The following SUMF1 variants were observed in gnomAD, a reference collection of about 807,000 sequenced individuals.
SUMF1 encodes the protein sulfatase modifying factor 1, also known as formylglycine-generating enzyme.
SUMF1 carries 48 observed loss-of-function variants against 47.6 expected under a neutral mutation model. That is an observed-to-expected ratio of 1.01 (90% CI 0.80 to 1.28). SUMF1 has a LOEUF of 1.28. Among genes scored for constraint, SUMF1 ranks in the 50% most tolerant of loss-of-function variants. The probability of loss-of-function intolerance (pLI) is 0.00; values close to 1 mark genes in which losing one functional copy is unlikely to be tolerated. For synonymous variants in SUMF1, 230 were observed against 192.1 expected (o/e 1.20, Z -1.63); for missense variants, 571 against 485.4 (o/e 1.18, Z -1.66).
chr3:4,460,085 C>T (rs1229322906), intron 1 of SUMF1, among the ~76,000 whole-genome samples: 2 of 152,174 alleles, frequency 1.3e-5, no homozygotes, highest in Non-Finnish European at 2.9e-5. Flanking sequence ...GGAAAGATCT[C>T]ACCATGATGA....
chr3:4,276,268 T>C (rs1697414557), intron 8 of SUMF1, among the ~76,000 whole-genome samples: 1 of 152,186 alleles, frequency 6.6e-6, no homozygotes, highest in African/African-American at 2.4e-5. Context: ...ACTGAGGCTA[T>C]AAGGCAGCAC....
chr3:4,192,896 G>A (rs555745682), intron 8 of SUMF1, among the ~76,000 whole-genome samples: 2 of 152,228 alleles, frequency 1.3e-5, no homozygotes, highest in Admixed American at 6.5e-5. Context: ...AGAGGATGAT[G>A]GGCCCTGCTT....
chr3:4,443,778 GAAAA>G (rs1174607417), intron 3 of SUMF1, among the ~76,000 whole-genome samples: 1 of 150,520 alleles, frequency 6.6e-6, no homozygotes, highest in African/African-American at 2.4e-5. Flanking sequence ...AAAAGAAAAA[GAAAA>G]AAGAGAGAGA....
At chr3:4,432,633 T>C (rs970199855) in intron 3 of SUMF1, among the ~76,000 whole-genome samples, 1 of 152,158 alleles carries the variant, frequency 6.6e-6, no homozygotes, top group Non-Finnish European at 1.5e-5. Context: ...TCACCAATCC[T>C]ATAAATAAAA....
At chr3:4,132,471 C>T (rs1346105345) in intron 8 of SUMF1, among the ~76,000 whole-genome samples, 3 of 152,098 alleles carry the variant, frequency 2.0e-5, no homozygotes, top group African/African-American at 7.2e-5. Context: ...TCTGAATCAC[C>T]ATCCAATATA....
intron 8 of SUMF1, among the ~76,000 whole-genome samples, chr3:4,311,356 C>T (rs73806998): frequency 0.011 from 1,683 of 152,292 alleles, 36 homozygotes; most frequent in African/African-American, 0.039. Context: ...GTGGTGCAAA[C>T]ATTCCTTCAG....
At chr3:4,187,107 T>C (rs1039617525) in intron 8 of SUMF1, among the ~76,000 whole-genome samples, 1 of 152,168 alleles carries the variant, frequency 6.6e-6, no homozygotes, top group Admixed American at 6.5e-5. Context: ...CAATGGCTCA[T>C]GCCTATAATC....
chr3:4,249,358 T>C (rs1346165466), intron 8 of SUMF1, among the ~76,000 whole-genome samples: 1 of 152,216 alleles, frequency 6.6e-6, no homozygotes, highest in Non-Finnish European at 1.5e-5. Flanking sequence ...TGAGTCTAAG[T>C]CTATTGGCCT....
At chr3:4,159,696 T>G (rs1335519792) in intron 8 of SUMF1, among the ~76,000 whole-genome samples, 2 of 152,130 alleles carry the variant, frequency 1.3e-5, no homozygotes, top group Non-Finnish European at 2.9e-5. Context: ...CTTAACCCTT[T>G]TCAGATTAAG....
intron 8 of SUMF1, among the ~76,000 whole-genome samples, chr3:4,270,553 T>C (rs907881581): frequency 6.6e-6 from 1 of 152,120 alleles, no homozygotes; most frequent in Non-Finnish European, 1.5e-5. Flanking sequence ...GATTCTGCCA[T>C]AACAAGGGTA....
At position 4,239,211 on chromosome 3, in the gene SUMF1, T is replaced by C. The variant is rs1696481496; in HGVS notation, c.1014+137119A>G. 2.0e-5 allele frequency among the ~76,000 whole-genome samples: 3 copies of C among 152,336 alleles called. No individual in the cohort carries two copies. In the South Asian group the frequency reaches 6.2e-4, roughly 32 times the overall value. ...TATAGTTTGAAGCCAGGTAGTGTGA[T>C]GCCTCCAGCTTTGTTCTTTTTGCTT... On this transcript the variant is annotated intron_variant and NMD_transcript_variant, in intron 8 of 12. Transcript: ENST00000448413.
At chr3:4,438,096 T>A (rs1279664534) in intron 3 of SUMF1, among the ~76,000 whole-genome samples, 1 of 152,046 alleles carries the variant, frequency 6.6e-6, no homozygotes, top group Admixed American at 6.5e-5. Flanking sequence ...AAAGAGAATC[T>A]CTATATAATA....
intron 8 of SUMF1, among the ~76,000 whole-genome samples, chr3:4,176,067 G>A (rs937693895): frequency 1.3e-5 from 2 of 152,178 alleles, no homozygotes; most frequent in Non-Finnish European, 2.9e-5. Flanking sequence ...TTTGATTGTT[G>A]TACCTGAAAG....
At chr3:4,121,915 G>A (rs1693554110) in intron 8 of SUMF1, among the ~76,000 whole-genome samples, 1 of 151,994 alleles carries the variant, frequency 6.6e-6, no homozygotes, top group Non-Finnish European at 1.5e-5. Flanking sequence ...CCTTCTATGT[G>A]TCCATGTGTT....
chr3:4,424,062 G>A (rs60074377), intron 3 of SUMF1, among the ~76,000 whole-genome samples: 2,307 of 152,196 alleles, frequency 0.015, 68 homozygotes, highest in African/African-American at 0.053. Context: ...AGCAATTGCA[G>A]GAACAGCTTA....
At position 4,379,869 on chromosome 3, in the gene SUMF1, A is replaced by G. The variant is rs370672478; in HGVS notation, c.955-3480T>C. Among the ~76,000 whole-genome samples, 42 of 149,362 alleles carry G rather than the reference A, an allele frequency of 2.8e-4. 1 individual carries two copies. The highest frequency in any genetic ancestry group is 9.8e-4 in the African/African-American group (40 of 40,824). On this transcript the variant is annotated intron_variant, in intron 7 of 8. Transcript: ENST00000272902. Reference sequence around the variant, plus strand: ...AAAAAAAAAAAAAAAAAAAAAAGATACTAAGTGTGGTAATTTGCTATGCAG... The same window carrying G: ...AAAAAAAAAAAAAAAAAAAAAAGATGCTAAGTGTGGTAATTTGCTATGCAG...
chr3:4,381,080 T>C (rs1318302402), intron 7 of SUMF1, among the ~76,000 whole-genome samples: 1 of 152,150 alleles, frequency 6.6e-6, no homozygotes, highest in Non-Finnish European at 1.5e-5. Context: ...TCAAGAGACA[T>C]TTCCCTTTCC....
rs1574842224 is a variant in SUMF1 at position 4,044,093 on chromosome 3, A to G, written c.1191+24476T>C. ...TAAAGACCATGAGCTCAGAGGTTAC[A>G]CATAACCTATAATAATAGTTGTGTC... On this transcript the variant is annotated intron_variant and NMD_transcript_variant, in intron 9 of 12. Coordinates refer to the SUMF1 transcript ENST00000448413. Among the ~76,000 whole-genome samples, 3 of 152,302 alleles carry G rather than the reference A, an allele frequency of 2.0e-5. No homozygotes were observed. In the South Asian group the frequency reaches 6.2e-4, roughly 32 times the overall value.
At chr3:4,347,086 C>A (rs1022191351) in intron 8 of SUMF1, among the ~76,000 whole-genome samples, 3 of 152,212 alleles carry the variant, frequency 2.0e-5, no homozygotes, top group African/African-American at 7.2e-5. Flanking sequence ...AGATTCACAG[C>A]TGGATTTTAC....
Sources: gnomAD v4.1 joint callset for allele counts (sites outside exome capture counted in the v4.1 genomes callset) on GRCh38, gnomAD v4.1.1 for gene constraint, MANE v1.5 for transcripts, NCBI Gene and HGNC (gene_info 2026-07-23, HGNC 2026-07-21) for gene names.